The following COL18A1 variants were observed in gnomAD, a reference collection of about 807,000 sequenced individuals.
COL18A1 encodes the protein collagen alpha-1(XVIII) chain.
Under a neutral mutation model 168.0 loss-of-function variants are expected in COL18A1, and 133 were observed. The observed-to-expected ratio is 0.79, with a 90% confidence interval of 0.69 to 0.91. The LOEUF (loss-of-function observed/expected upper bound fraction) is 0.91. COL18A1 is among the 40% of genes least tolerant of loss of function. COL18A1 has a pLI of 0.00. For missense variants in COL18A1, 2,126 were observed against 1,925.4 expected, an observed-to-expected ratio of 1.10 and a Z score of -1.95; for synonymous variants, 949 against 809.0, an observed-to-expected ratio of 1.17 and a Z score of -2.94.
At chr21:45,445,633 T>G (rs2034487859) in intron 2 of COL18A1, among the ~76,000 whole-genome samples, 2 of 152,364 alleles carry the variant, frequency 1.3e-5, no homozygotes, top group South Asian at 4.1e-4. Flanking sequence ...CTCTGACTTT[T>G]TGTTTCCAGC....
At chr21:45,467,356 AC>A (rs2035248178) in intron 2 of COL18A1, 3 of 985,298 alleles carry the variant, frequency 3.0e-6, no homozygotes, top group Non-Finnish European at 3.6e-6. Context: ...GGAGTGAGTC[AC>A]CCGGCGCTGT....
rs892504747 is a variant in COL18A1, at chr21:45,512,667, T to C, written c.*269T>C. ...CAGCTGGGTCAGGCAGGGTGCAGTA[T>C]CATGCCCTGTGCAACCTCTTGGCCT... On this transcript the variant is annotated 3_prime_UTR_variant, in exon 42 of 42. Transcript: ENST00000651438. The C allele has an allele frequency of 1.9e-6, 1 of 538,054 alleles. No homozygotes were observed. The highest frequency in any genetic ancestry group is 1.9e-5 in the African/African-American group (1 of 52,536). 33.3% of individuals were successfully genotyped at this position (538,054 alleles called of 1,614,324 possible).
In COL18A1 at chr21:45,490,755, C is replaced by G. The variant is rs939652315; in HGVS notation, c.2032-81C>G. 7.7e-6 allele frequency: 11 copies of G among 1,432,348 alleles called. No homozygotes were observed. The East Asian group carries it at 2.5e-4, about 32-fold the overall frequency. 88.7% of individuals were successfully genotyped at this position (1,432,348 alleles called of 1,614,324 possible). A position where few individuals can be genotyped will look rare whatever the true frequency, so the allele number is the denominator to read the frequency against. ...GGTCGGGAAATAAAGAACCCCACAT[C>G]TTCATCAGAGCCATCCCTCACGGGG... On this transcript the variant is annotated intron_variant, in intron 20 of 41. Transcript: ENST00000651438.
Position 45,480,847 on chromosome 21 carries a change from C to T in COL18A1, c.1600C>T (p.Pro534Ser), listed in dbSNP as rs1450327303. Residue 534 changes from proline (P) to serine (S), a missense_variant, in exon 13 of 42, where the codon CCT (proline) becomes TCT (serine). Transcript: ENST00000651438. ...TGGGCGCGAGGGTCCCCCCGGGTTT[C>T]CTGGCCTCCCGGTAAGTCCTGCCTC... ...VPGREGPPGF[P>S]GLPGPPGPPG... The T allele has an allele frequency of 1.9e-6, 3 of 1,610,914 alleles. No homozygotes were observed. Among genetic ancestry groups the T allele is most frequent in the Admixed American group, 3.3e-5 (2 of 59,866 alleles).
At chr21:45,467,567 T>A (rs2838934) in intron 2 of COL18A1, 72,216 of 493,442 alleles carry the variant, frequency 0.15, 6,497 homozygotes, top group African/African-American at 0.31. Flanking sequence ...CTGGGTGAAA[T>A]CCCGCACCGT....
At chr21:45,492,279 G>C (rs1404394532) in intron 22 of COL18A1, among the ~76,000 whole-genome samples, 1 of 152,202 alleles carries the variant, frequency 6.6e-6, no homozygotes, top group Non-Finnish European at 1.5e-5. Flanking sequence ...GGAGCGTCTA[G>C]CAGAGGCAGG....
chr21:45,501,680 G>A (rs1037415495), intron 32 of COL18A1, among the ~76,000 whole-genome samples: 1 of 148,338 alleles, frequency 6.7e-6, no homozygotes, highest in African/African-American at 2.5e-5. Context: ...TCCCTCTGCA[G>A]AAGGACCCCC....
At chr21:45,484,665 C>A (rs1007557138) in intron 15 of COL18A1, among the ~76,000 whole-genome samples, 2 of 95,296 alleles carry the variant, frequency 2.1e-5, no homozygotes, top group Non-Finnish European at 5.0e-5. Context: ...TGTGCACATA[C>A]ACACACATGT....
intron 2 of COL18A1, among the ~76,000 whole-genome samples, chr21:45,407,208 A>G (rs1009443541): frequency 6.6e-6 from 1 of 152,216 alleles, no homozygotes; most frequent in Non-Finnish European, 1.5e-5. Context: ...ATTGGAGAAG[A>G]GCTAATGTGT....
chr21:45,456,499 C>T (rs1568881477), intron 2 of COL18A1: 14 of 1,548,010 alleles, frequency 9.0e-6, no homozygotes, highest in East Asian at 2.5e-5. Flanking sequence ...CTGCCCTGCT[C>T]GGGGCTGACC....
At chr21:45,430,271 C>T (rs576113376) in intron 2 of COL18A1, among the ~76,000 whole-genome samples, 5 of 152,326 alleles carry the variant, frequency 3.3e-5, no homozygotes, top group Non-Finnish European at 2.9e-5. Flanking sequence ...ATCTTTCTAG[C>T]GCCCTCTCGC....
chr21:45,493,960 G>C (rs1401255466), intron 26 of COL18A1: 1 of 299,886 alleles, frequency 3.3e-6, no homozygotes, highest in Non-Finnish European at 6.3e-6. Flanking sequence ...CCCTGATGCT[G>C]TGGGCAGGGC....
rs918432256 is a variant in COL18A1, at chr21:45,408,722, C to T, written c.106+3249C>T. On this transcript the variant is annotated intron_variant, in intron 2 of 41. Coordinates refer to ENST00000651438, the MANE Select transcript of COL18A1 (RefSeq NM_001379500.1). ...AGAGAGGGGCCCCCACAACACCCTC[C>T]CACCCCCGCTCACTGTGTTGGGGGA... 2.6e-5 allele frequency among the ~76,000 whole-genome samples: 4 copies of T among 152,292 alleles called. No homozygotes were observed. In the East Asian group the frequency reaches 5.8e-4, roughly 22 times the overall value.
chr21:45,480,633 T>C, intron 12 of COL18A1, 67 bp from the exon 13 acceptor site: 2 of 1,611,822 alleles, frequency 1.2e-6, no homozygotes, highest in South Asian at 1.1e-5. Context: ...AGGCCCGTTC[T>C]GGGGGTGGTG....
At chr21:45,451,741 G>A (rs899538204) in intron 2 of COL18A1, among the ~76,000 whole-genome samples, 54 of 152,302 alleles carry the variant, frequency 3.5e-4, no homozygotes, top group African/African-American at 1.3e-3. Context: ...AGGCAATAGG[G>A]TGGGGGCACT....
chr21:45,482,154 C>G, intron 14 of COL18A1, 129 bp downstream of exon 14: 1 of 737,006 alleles, frequency 1.4e-6, no homozygotes, highest in Non-Finnish European at 2.4e-6. Context: ...GCCCCACAGC[C>G]TGGGGCCTCG....
At chr21:45,506,132 TGAGCA>T in intron 37 of COL18A1, 166 bp downstream of exon 37, 1 of 1,090,714 alleles carries the variant, frequency 9.2e-7, no homozygotes, top group South Asian at 1.4e-5. Flanking sequence ...AATACTTTTG[TGAGCA>T]GTTTTGGGTT....
At chr21:45,503,823 A>AT in intron 32 of COL18A1, 188 bp from the exon 33 acceptor site, 2 of 411,026 alleles carry the variant, frequency 4.9e-6, no homozygotes. Context: ...AATAAAAATA[A>AT]AAAGGCACCA....
intron 18 of COL18A1, 112 bp downstream of exon 18, chr21:45,488,556 G>A: frequency 6.7e-7 from 1 of 1,503,392 alleles, no homozygotes; most frequent in Non-Finnish European, 9.2e-7. Flanking sequence ...GCAGGAGTAG[G>A]ATGAATTCAT....
Sources: gnomAD v4.1 joint callset for allele counts (sites outside exome capture counted in the v4.1 genomes callset) on GRCh38, gnomAD v4.1.1 for gene constraint, MANE v1.5 for transcripts, NCBI Gene and HGNC (gene_info 2026-07-23, HGNC 2026-07-21) for gene names.